Variants in SYTL5 observed in about 807,000 individuals in gnomAD.
SYTL5 encodes the protein synaptotagmin-like protein 5.
A neutral mutation model predicts 55.9 loss-of-function variants in SYTL5; 34 were observed. That is an observed-to-expected ratio of 0.61 (90% CI 0.46 to 0.81). SYTL5 has a LOEUF of 0.81. Among genes scored for constraint, SYTL5 ranks in the 30% least tolerant of loss-of-function variants. The pLI is 0.00. For synonymous variants in SYTL5, 221 were observed against 188.7 expected, an observed-to-expected ratio of 1.17 and a Z score of -1.40; for missense variants, 637 against 546.7, an observed-to-expected ratio of 1.17 and a Z score of -1.65.
At chrX:38,051,684 G>A (rs1453741730) in intron 2 of SYTL5, among the ~76,000 whole-genome samples, 3 of 111,037 alleles carry the variant, frequency 2.7e-5, no homozygotes, top group African/African-American at 9.8e-5. Flanking sequence ...TTATGTTGAA[G>A]GAAAGGAAAG....
chrX:37,952,688 A>G, the SYTL5 span, among the ~76,000 whole-genome samples: 6 of 110,972 alleles, frequency 5.4e-5, no homozygotes, highest in African/African-American at 2.0e-4. Context: ...TGAGTGATAG[A>G]TTTGAGGGGA....
intron 1 of SYTL5, among the ~76,000 whole-genome samples, chrX:38,025,004 T>C: frequency 1.8e-5 from 2 of 112,168 alleles, no homozygotes. Flanking sequence ...AAAGTACTAC[T>C]TTTTTCTCTA....
chrX:37,928,733 A>T, the SYTL5 span, among the ~76,000 whole-genome samples: 1 of 112,346 alleles, frequency 8.9e-6, no homozygotes, highest in Non-Finnish European at 1.9e-5. Context: ...GTCCAAAATC[A>T]AATTTAGTCC....
In SYTL5 at chrX:38,120,468, T is replaced by C. The variant is rs772362316; in HGVS notation, c.1705+2T>C. 1 of 1,176,141 alleles carries C rather than the reference T, an allele frequency of 8.5e-7. No individual in the cohort carries two copies. Among genetic ancestry groups the C allele is most frequent in the South Asian group, 1.8e-5 (1 of 55,877 alleles). ...TGCTTCCACCAGAACAACTCCAAGG[T>C]AGAGTAAAAATCAATGACTTTGATC... On this transcript the variant is annotated splice_donor_variant, in intron 14 of 16. Transcript: ENST00000297875. LOFTEE classifies it high-confidence loss of function.
the SYTL5 span, among the ~76,000 whole-genome samples, chrX:37,936,563 A>G: frequency 2.7e-5 from 3 of 112,059 alleles, no homozygotes; most frequent in African/African-American, 9.7e-5. Flanking sequence ...TCTAGATATA[A>G]TGTATTGATA....
chrX:37,960,306 A>G, the SYTL5 span, among the ~76,000 whole-genome samples: 2 of 112,170 alleles, frequency 1.8e-5, no homozygotes, highest in African/African-American at 3.2e-5. Context: ...CACATGTCCA[A>G]AATCATTTCA....
At chrX:38,005,958 C>T (rs776415261), upstream of SYTL5, among the ~76,000 whole-genome samples, 3 of 111,658 alleles carry the variant, frequency 2.7e-5, no homozygotes, top group African/African-American at 9.7e-5. Context: ...GAGAAAACCT[C>T]ACTCATTCTC....
upstream of SYTL5, among the ~76,000 whole-genome samples, chrX:38,005,044 A>G (rs1237746866): frequency 9.0e-6 from 1 of 111,049 alleles, no homozygotes; most frequent in African/African-American, 3.3e-5. Flanking sequence ...ACTCATAAAT[A>G]TATACACCTA....
intron 14 of SYTL5, among the ~76,000 whole-genome samples, chrX:38,120,971 GT>G (rs1308224865): frequency 3.6e-5 from 4 of 111,717 alleles, no homozygotes; most frequent in Non-Finnish European, 7.5e-5. Context: ...AAGAAAAGAG[GT>G]TTAATTTGCT....
chrX:37,893,561 T>A, the SYTL5 span, among the ~76,000 whole-genome samples: 5 of 88,136 alleles, frequency 5.7e-5, no homozygotes, highest in Admixed American at 2.8e-4. Context: ...AGATTATAGA[T>A]TATATATACA....
At chrX:37,922,169 A>T in the SYTL5 span, among the ~76,000 whole-genome samples, 1 of 111,861 alleles carries the variant, frequency 8.9e-6, no homozygotes, top group African/African-American at 3.2e-5. Flanking sequence ...GCCCAGAAGT[A>T]TTGGGTGTAC....
At chrX:38,107,330 G>A (rs1937246514) in intron 11 of SYTL5, among the ~76,000 whole-genome samples, 1 of 111,615 alleles carries the variant, frequency 9.0e-6, no homozygotes, top group Admixed American at 9.5e-5. Flanking sequence ...AGGCACATGG[G>A]GCAAAGTCCA....
chrX:37,972,749 A>T, the SYTL5 span, among the ~76,000 whole-genome samples: 1 of 111,808 alleles, frequency 8.9e-6, no homozygotes, highest in Non-Finnish European at 1.9e-5. Flanking sequence ...AAATACATTT[A>T]AGAAATACAT....
chrX:38,027,983 C>T, intron 1 of SYTL5, among the ~76,000 whole-genome samples: 1 of 110,440 alleles, frequency 9.1e-6, no homozygotes, highest in East Asian at 2.8e-4. Flanking sequence ...GCCCCCATGC[C>T]TTGCTAATTT....
intron 9 of SYTL5, among the ~76,000 whole-genome samples, chrX:38,097,007 C>T (rs1276098744): frequency 9.0e-6 from 1 of 111,214 alleles, no homozygotes; most frequent in African/African-American, 3.2e-5. Context: ...TTAAACTATT[C>T]GTGATCTTAG....
chrX:37,968,892 T>C, the SYTL5 span, among the ~76,000 whole-genome samples: 2 of 112,171 alleles, frequency 1.8e-5, no homozygotes, highest in Non-Finnish European at 3.8e-5. Flanking sequence ...TACAATCCAC[T>C]ATAGTGAAGT....
chrX:37,895,815 T>G, the SYTL5 span, among the ~76,000 whole-genome samples: 1 of 111,646 alleles, frequency 9.0e-6, no homozygotes, highest in Non-Finnish European at 1.9e-5. Context: ...ATATCAATAT[T>G]AAGCACATTA....
chrX:38,055,687 A>G (rs955992738), intron 3 of SYTL5, among the ~76,000 whole-genome samples: 3 of 112,160 alleles, frequency 2.7e-5, no homozygotes, highest in African/African-American at 9.7e-5. Flanking sequence ...CTAAATGAGG[A>G]CTACCGTTCT....
At chrX:38,022,967 CGAGA>C (rs1167258141) in intron 1 of SYTL5, among the ~76,000 whole-genome samples, 1 of 111,053 alleles carries the variant, frequency 9.0e-6, no homozygotes. Context: ...AGGATAGATA[CGAGA>C]GAGAGAGATC....
Sources: gnomAD v4.1 joint callset for allele counts (sites outside exome capture counted in the v4.1 genomes callset) on GRCh38, gnomAD v4.1.1 for gene constraint, MANE v1.5 for transcripts, NCBI Gene and HGNC (gene_info 2026-07-23, HGNC 2026-07-21) for gene names.